Variants in SKP2 observed in about 807,000 individuals in gnomAD.
SKP2 encodes the protein S-phase kinase associated protein 2, also known as S-phase kinase-associated protein 2.
In SKP2, 16 loss-of-function variants were observed where a neutral mutation model predicts 51.8. The observed-to-expected ratio is 0.31, with a 90% CI of 0.21 to 0.47. SKP2 has a LOEUF of 0.47. Ranked by LOEUF, SKP2 falls within the 20% of genes least tolerant of loss-of-function variation. The pLI is 1.00. For missense variants in SKP2, 377 were observed against 505.3 expected (o/e 0.75, Z 2.43); for synonymous variants, 176 against 198.6 (o/e 0.89, Z 0.96).
chr5:36,182,626 T>G lies in SKP2; in HGVS notation c.*595T>G. 1 of 982,086 alleles carries G rather than the reference T, an allele frequency of 1.0e-6. No homozygotes were observed. Among genetic ancestry groups the G allele is most frequent in the Non-Finnish European group, 1.2e-6 (1 of 826,888 alleles). The allele number at this position is 982,086 out of a possible 1,614,324, so 60.8% of individuals were successfully genotyped here. On this transcript the variant is annotated 3_prime_UTR_variant, in exon 10 of 10. Transcript: ENST00000274255. ...ACCCCATGTAATTCACCTTAAAACT[T>G]AACAAAAGACCAAACATTACAAAAC...
chr5:36,153,137 C>G, intron 2 of SKP2, 95 bp downstream of exon 2: 2 of 1,236,836 alleles, frequency 1.6e-6, no homozygotes, highest in Non-Finnish European at 2.3e-6. Flanking sequence ...GCATGGGTTC[C>G]TTTTAAGATT....
chr5:36,156,488 G>A (rs931824578), intron 2 of SKP2, among the ~76,000 whole-genome samples: 1 of 152,152 alleles, frequency 6.6e-6, no homozygotes, highest in Non-Finnish European at 1.5e-5. Flanking sequence ...CTCTTCATCC[G>A]TTTATCTGGG....
intron 2 of SKP2, among the ~76,000 whole-genome samples, chr5:36,162,203 C>G (rs1745142750): frequency 6.6e-6 from 1 of 152,192 alleles, no homozygotes; most frequent in East Asian, 1.9e-4. Flanking sequence ...AAGGCTTTAT[C>G]ATGACCTAGG....
intron 7 of SKP2, chr5:36,193,379 G>A (rs918352393): frequency 6.6e-6 from 1 of 151,162 alleles, no homozygotes; most frequent in Non-Finnish European, 1.5e-5. Context: ...GGGAGGCTGA[G>A]GCAGGAGAAT....
At position 36,152,934 on chromosome 5, in the gene SKP2, A is replaced by C. The variant is rs749287228; in HGVS notation, c.172A>C (p.Asn58His). The C allele has an allele frequency of 3.1e-6, 5 of 1,614,122 alleles. No individual in the cohort carries two copies. The highest frequency in any genetic ancestry group is 3.4e-6 in the Non-Finnish European group (4 of 1,180,030). The change falls in exon 2 of 10, where the codon AAC becomes CAC. Residue 58 changes from asparagine (N) to histidine (H), a missense_variant. Around this residue, in one of 2 missense-constraint regions of SKP2, gnomAD observed 115 missense variants for 115.5 expected, o/e 1.00. Transcript: ENST00000274255. ...GAACATCCCCCAGGAACTGCTCTCA[A>C]ACCTGGGCCACCCGGAGAGCCCCCC... ...SENIPQELLS[N>H]LGHPESPPRK... is the part of the protein sequence containing the mutation.
chr5:36,188,342 T>A (rs1205287382), downstream of SKP2, among the ~76,000 whole-genome samples: 1 of 152,270 alleles, frequency 6.6e-6, no homozygotes, highest in African/African-American at 2.4e-5. Context: ...CTTTACAATT[T>A]GGCATGTTTT....
At chr5:36,156,666 C>T (rs1744958379) in intron 2 of SKP2, among the ~76,000 whole-genome samples, 1 of 152,158 alleles carries the variant, frequency 6.6e-6, no homozygotes, top group Admixed American at 6.5e-5. Flanking sequence ...TCCCCCACCC[C>T]ACCCTTTAAA....
intron 3 of SKP2, among the ~76,000 whole-genome samples, chr5:36,164,292 G>A (rs1409423240): frequency 6.6e-6 from 1 of 152,188 alleles, no homozygotes; most frequent in Non-Finnish European, 1.5e-5. Flanking sequence ...AGATGCTGGT[G>A]TAATGCCTGA....
intron 9 of SKP2, among the ~76,000 whole-genome samples, chr5:36,177,841 A>G (rs1745684211): frequency 6.6e-6 from 1 of 152,124 alleles, no homozygotes; most frequent in Admixed American, 6.6e-5. Context: ...AGTGAAGTGA[A>G]GTGACTTATT....
At chr5:36,188,645 C>A (rs1054487759), downstream of SKP2, among the ~76,000 whole-genome samples, 2 of 152,198 alleles carry the variant, frequency 1.3e-5, no homozygotes, top group Non-Finnish European at 2.9e-5. Context: ...CGACCTTTCT[C>A]TCTGGCTGCC....
intron 2 of SKP2, among the ~76,000 whole-genome samples, chr5:36,154,567 C>G (rs1355129895): frequency 6.6e-6 from 1 of 152,168 alleles, no homozygotes; most frequent in Admixed American, 6.5e-5. Flanking sequence ...CGGAGTCTTG[C>G]TCTGTTGCCC....
chr5:36,177,905 G>A (rs965819360), intron 9 of SKP2, among the ~76,000 whole-genome samples: 3 of 152,028 alleles, frequency 2.0e-5, no homozygotes, highest in African/African-American at 7.2e-5. Flanking sequence ...AGGTCTCCTG[G>A]ACAGAGGCAA....
At chr5:36,164,990 A>G (rs1745242030) in intron 3 of SKP2, among the ~76,000 whole-genome samples, 1 of 152,222 alleles carries the variant, frequency 6.6e-6, no homozygotes, top group African/African-American at 2.4e-5. Flanking sequence ...CTCCTGTTGT[A>G]TACTATATCT....
At chr5:36,164,792 C>A (rs1359026253) in intron 3 of SKP2, among the ~76,000 whole-genome samples, 1 of 152,144 alleles carries the variant, frequency 6.6e-6, no homozygotes, top group East Asian at 1.9e-4. Context: ...CTGTTAATCC[C>A]ATTTTAAAAT....
At chr5:36,169,351 A>G (rs1745395079) in intron 5 of SKP2, among the ~76,000 whole-genome samples, 1 of 152,148 alleles carries the variant, frequency 6.6e-6, no homozygotes, top group African/African-American at 2.4e-5. Context: ...AGGCTGAGGC[A>G]GGAGAATCGC....
chr5:36,176,901 TAAC>T, intron 7 of SKP2, 61 bp from the exon 8 acceptor site: 1 of 1,061,862 alleles, frequency 9.4e-7, no homozygotes, highest in South Asian at 1.4e-5. Context: ...ATAGTAGTGA[TAAC>T]AAATATCCTT....
At chr5:36,170,268 C>T (rs1347708620) in intron 5 of SKP2, 76 bp from the exon 6 acceptor site, 32 of 818,782 alleles carry the variant, frequency 3.9e-5, no homozygotes, top group Non-Finnish European at 6.4e-5. Context: ...ACTACACTCG[C>T]CTGCTTTCAT....
chr5:36,181,430 TG>T, intron 9 of SKP2, among the ~76,000 whole-genome samples: 1 of 152,222 alleles, frequency 6.6e-6, no homozygotes, highest in African/African-American at 2.4e-5. Flanking sequence ...TGGTTCCAAC[TG>T]GTGCCGCAGT....
chr5:36,185,542 T>C (rs768703007), downstream of SKP2, among the ~76,000 whole-genome samples: 8 of 152,240 alleles, frequency 5.3e-5, no homozygotes, highest in Non-Finnish European at 1.0e-4. Context: ...TTGTCAGGTT[T>C]GTCAAAGATC....
Sources: allele counts gnomAD v4.1 joint callset (sites outside exome capture counted in the v4.1 genomes callset), GRCh38; gene constraint gnomAD v4.1.1; regional missense constraint gnomAD v4.1.1; transcripts MANE v1.5; gene names NCBI Gene and HGNC (gene_info 2026-07-23, HGNC 2026-07-21).